Variants in MYO5A observed in about 807,000 individuals in gnomAD.
MYO5A encodes the protein myosin VA.
A neutral mutation model predicts 249.7 loss-of-function variants in MYO5A; 98 were observed. The ratio of observed to expected loss-of-function variants is 0.39; its 90% CI spans 0.33 to 0.46. MYO5A has a LOEUF of 0.46. Ranked by LOEUF, MYO5A falls within the 20% of genes least tolerant of loss-of-function variation. MYO5A has a pLI of 0.98. For synonymous variants in MYO5A, 778 were observed against 810.6 expected, an observed-to-expected ratio of 0.96 and a Z score of 0.68; for missense variants, 1,696 against 2,308.8, an observed-to-expected ratio of 0.73 and a Z score of 5.44.
chr15:52,463,255 G>A (rs963072156), intron 1 of MYO5A, among the ~76,000 whole-genome samples: 1 of 152,154 alleles, frequency 6.6e-6, no homozygotes, highest in Admixed American at 6.5e-5. Flanking sequence ...TCCTGGCAGT[G>A]ACTTGACCAC....
chr15:52,378,253 T>C (rs1452343073), intron 18 of MYO5A, among the ~76,000 whole-genome samples: 1 of 152,002 alleles, frequency 6.6e-6, no homozygotes, highest in Non-Finnish European at 1.5e-5. Flanking sequence ...CTGGGCGCAG[T>C]GGCTCACACC....
intron 9 of MYO5A, among the ~76,000 whole-genome samples, chr15:52,404,904 A>C (rs2042929763): frequency 6.6e-6 from 1 of 152,178 alleles, no homozygotes; most frequent in African/African-American, 2.4e-5. Flanking sequence ...TTCTGAAGGC[A>C]GTGGGGAGTC....
At chr15:52,398,236 T>C (rs1259743245) in intron 9 of MYO5A, among the ~76,000 whole-genome samples, 1 of 152,214 alleles carries the variant, frequency 6.6e-6, no homozygotes, top group Non-Finnish European at 1.5e-5. Flanking sequence ...TGTGACTTTT[T>C]ATATTAGAAT....
intron 34 of MYO5A, chr15:52,331,891 A>G (rs2038905039): frequency 1.0e-6 from 1 of 983,892 alleles, no homozygotes; most frequent in South Asian, 4.7e-5. Flanking sequence ...CATCTCCCAT[A>G]ATCTAGTTTT....
At chr15:52,511,419 T>C (rs987835696) in intron 1 of MYO5A, among the ~76,000 whole-genome samples, 14 of 152,264 alleles carry the variant, frequency 9.2e-5, no homozygotes, top group Non-Finnish European at 1.9e-4. Context: ...GTTTTTTTCT[T>C]GAATAACTGC....
intron 8 of MYO5A, among the ~76,000 whole-genome samples, chr15:52,405,899 C>T (rs1024166718): frequency 6.6e-6 from 1 of 152,176 alleles, no homozygotes; most frequent in African/African-American, 2.4e-5. Flanking sequence ...AAAGCTGTTA[C>T]TTCTTAAGGC....
At chr15:52,321,283 T>C (rs756161647) in intron 38 of MYO5A, 76 bp downstream of exon 38, 43 of 1,578,916 alleles carry the variant, frequency 2.7e-5, no homozygotes, top group South Asian at 1.6e-4. Flanking sequence ...CCCTGAAACA[T>C]GTGCCACTGG....
chr15:52,460,719 T>A (rs2141411218), intron 1 of MYO5A, among the ~76,000 whole-genome samples: 1 of 152,250 alleles, frequency 6.6e-6, no homozygotes, highest in East Asian at 1.9e-4. Context: ...TTAAAGAAGT[T>A]ATCTAAGCTA....
chr15:52,472,123 G>T (rs1339473212), intron 1 of MYO5A, among the ~76,000 whole-genome samples: 1 of 151,502 alleles, frequency 6.6e-6, no homozygotes, highest in Non-Finnish European at 1.5e-5. Context: ...TTGTTGCCCA[G>T]GCTGGAGTGC....
At chr15:52,371,865 G>C (rs1461936834) in intron 21 of MYO5A, among the ~76,000 whole-genome samples, 1 of 146,814 alleles carries the variant, frequency 6.8e-6, no homozygotes, top group Admixed American at 7.0e-5. Context: ...GTGAGACCCT[G>C]TCTCAAATAA....
At position 52,312,607 on chromosome 15, in the gene MYO5A, C is replaced by T. The variant is rs531298992; in HGVS notation, c.*1089G>A. The T allele has an allele frequency of 4.6e-5, 7 of 152,390 alleles. No individual in the cohort carries two copies. The East Asian group carries it at 1.2e-3, about 25-fold the overall frequency. The allele number at this position is 152,390 out of a possible 1,614,324, so 9.4% of individuals were successfully genotyped here. ...TCCTAACCTGAAGTGATCCGCCCAC[C>T]TTGGCTTCCCAAAGTGCTGGGATTA... On this transcript the variant is annotated 3_prime_UTR_variant, in exon 42 of 42. Coordinates refer to ENST00000399233, the MANE Select transcript of MYO5A (RefSeq NM_001382347.1).
chr15:52,331,518 G>C (rs1208453593), intron 34 of MYO5A, among the ~76,000 whole-genome samples: 2 of 152,216 alleles, frequency 1.3e-5, no homozygotes, highest in African/African-American at 4.8e-5. Flanking sequence ...GGCAGATTAA[G>C]TTTGAGTTCT....
chr15:52,401,402 C>T (rs2042750342), intron 9 of MYO5A, among the ~76,000 whole-genome samples: 1 of 152,084 alleles, frequency 6.6e-6, no homozygotes, highest in African/African-American at 2.4e-5. Flanking sequence ...GAAAATGCTT[C>T]CAATTTCAAT....
chr15:52,367,914 C>CACA (rs1268282452), intron 22 of MYO5A, among the ~76,000 whole-genome samples: 2 of 139,900 alleles, frequency 1.4e-5, no homozygotes, highest in Non-Finnish European at 1.6e-5. Flanking sequence ...CACACACACA[C>CACA]AAGTTGACTC....
At chr15:52,430,442 G>A (rs997749812) in intron 2 of MYO5A, among the ~76,000 whole-genome samples, 1 of 152,116 alleles carries the variant, frequency 6.6e-6, no homozygotes, top group South Asian at 2.1e-4. Context: ...TTGGAGTTAG[G>A]CTTTAAATGG....
At chr15:52,459,147 A>AT (rs531798708) in intron 1 of MYO5A, among the ~76,000 whole-genome samples, 760 of 64,260 alleles carry the variant, frequency 0.012, 13 homozygotes, top group African/African-American at 0.033. Flanking sequence ...TTTTCCAGAA[A>AT]TTTTTTTTTT....
At chr15:52,321,335 T>C in intron 38 of MYO5A, 24 bp downstream of exon 38, 1 of 1,614,068 alleles carries the variant, frequency 6.2e-7, no homozygotes. Flanking sequence ...CAGGCTGCAA[T>C]GCCCAGTGGG....
chr15:52,503,736 G>C (rs543578448), intron 1 of MYO5A, among the ~76,000 whole-genome samples: 2 of 152,102 alleles, frequency 1.3e-5, no homozygotes, highest in African/African-American at 4.8e-5. Flanking sequence ...TATTATGTTC[G>C]TCTCCTGATA....
rs2040850197 is a variant in MYO5A at position 52,367,087 on chromosome 15, T to C, written c.3104A>G (p.Lys1035Arg). 1 of 1,613,836 alleles carries C rather than the reference T, an allele frequency of 6.2e-7. No homozygotes were observed. The highest frequency in any genetic ancestry group is 8.5e-7 in the Non-Finnish European group (1 of 1,179,776). ...GTGATTGAGGGCTTCTTTTTCTTGC[T>C]TCAGCAAAGTATTTTCTTCCTTCAG... is the stretch of plus-strand genomic sequence containing the variant. ...SNLKEENTLLKQEKEALNHRI... is the reference protein window; with the variant it reads ...SNLKEENTLLRQEKEALNHRI... The change falls in exon 23 of 42, where the codon AAG (lysine) becomes AGG (arginine). Residue 1035 changes from lysine (K) to arginine (R), a missense_variant. Physicochemically the swap from Lys to Arg is conservative, Grantham distance 26. This residue lies in a region of MYO5A where 412 missense variants were observed against 453.3 expected (regional missense o/e 0.91). Coordinates refer to ENST00000399233, the MANE Select transcript of MYO5A (RefSeq NM_001382347.1).
Sources: allele counts gnomAD v4.1 joint callset (sites outside exome capture counted in the v4.1 genomes callset), GRCh38; gene constraint gnomAD v4.1.1; regional missense constraint gnomAD v4.1.1; transcripts MANE v1.5; gene names NCBI Gene and HGNC (gene_info 2026-07-23, HGNC 2026-07-21).